The following LUC7L2 variants were observed in gnomAD, a reference collection of about 807,000 sequenced individuals.
LUC7L2 encodes the protein putative RNA-binding protein Luc7-like 2.
A neutral mutation model predicts 52.8 loss-of-function variants in LUC7L2; 25 were observed. The observed-to-expected ratio is 0.47, with a 90% CI of 0.34 to 0.66. The LOEUF is 0.66. Among genes scored for constraint, LUC7L2 ranks in the 30% least tolerant of loss-of-function variants. The pLI, the probability that LUC7L2 is intolerant of heterozygous loss-of-function variation, is 0.01. For synonymous variants in LUC7L2, 144 were observed against 160.9 expected (o/e 0.89, Z 0.80); for missense variants, 328 against 497.8 (o/e 0.66, Z 3.25).
chr7:139,419,645 A>G (rs1326306486), intron 9 of LUC7L2, among the ~76,000 whole-genome samples: 1 of 152,298 alleles, frequency 6.6e-6, no homozygotes, highest in South Asian at 2.1e-4. Flanking sequence ...GGTGATGGGT[A>G]TGGGAAGGAT....
At chr7:139,421,375 T>C (rs1204024145) in intron 9 of LUC7L2, among the ~76,000 whole-genome samples, 1 of 152,250 alleles carries the variant, frequency 6.6e-6, no homozygotes, top group Non-Finnish European at 1.5e-5. Flanking sequence ...ATGTTGGAAG[T>C]ATGGAAGATT....
At position 139,423,333 on chromosome 7, in the gene LUC7L2, A is replaced by T. The variant is rs531715317; in HGVS notation, c.*993A>T. ...TTCATGTGGGCCCCTTGCTGACTAT[A>T]TTCCAGCCACTTCAGGGTTGTTTGT... On this transcript the variant is annotated 3_prime_UTR_variant, in exon 10 of 10. Transcript: ENST00000354926. 3 of 399,014 alleles carry T rather than the reference A, an allele frequency of 7.5e-6. No homozygotes were observed. In the South Asian group the frequency reaches 3.8e-4, roughly 51 times the overall value. The allele number at this position is 399,014 out of a possible 1,614,324, so 24.7% of individuals were successfully genotyped here. A position where few individuals can be genotyped will look rare whatever the true frequency, so the allele number is the denominator to read the frequency against.
At chr7:139,384,743 G>A (rs892857413) in intron 2 of LUC7L2, among the ~76,000 whole-genome samples, 1 of 151,782 alleles carries the variant, frequency 6.6e-6, no homozygotes, top group African/African-American at 2.4e-5. Context: ...CTGTCATTCT[G>A]AATAATAATT....
intron 5 of LUC7L2, among the ~76,000 whole-genome samples, chr7:139,406,627 T>G (rs554785479): frequency 6.6e-6 from 1 of 152,328 alleles, no homozygotes; most frequent in Admixed American, 6.5e-5. Flanking sequence ...GTGCTGGGAT[T>G]ACAGGCGTGA....
chr7:139,374,365 A>T (rs929995931), intron 1 of LUC7L2: 2 of 1,493,062 alleles, frequency 1.3e-6, no homozygotes, highest in Non-Finnish European at 1.8e-6. Flanking sequence ...ATTCTATACA[A>T]AATGAACAAT....
chr7:139,394,614 C>G (rs1057194744), intron 2 of LUC7L2, among the ~76,000 whole-genome samples: 1 of 151,756 alleles, frequency 6.6e-6, no homozygotes, highest in Non-Finnish European at 1.5e-5. Flanking sequence ...TTGTTGAATA[C>G]GGATTGGAAA....
At position 139,398,824 on chromosome 7, in the gene LUC7L2, CAAGT is replaced by C. The variant is rs530374690; in HGVS notation, c.255+131_255+134del. 3.9e-4 allele frequency: 280 copies of C among 714,126 alleles called. 2 individuals are homozygous for C. Among genetic ancestry groups the C allele is most frequent in the Middle Eastern group, 1.3e-3 (3 of 2,360 alleles). The allele number at this position is 714,126 out of a possible 1,614,324, so 44.2% of individuals were successfully genotyped here. A position where few individuals can be genotyped will look rare whatever the true frequency, so the allele number is the denominator to read the frequency against. On this transcript the variant is annotated intron_variant, in intron 3 of 9. Coordinates refer to ENST00000354926, the MANE Select transcript of LUC7L2 (RefSeq NM_016019.5). ...CTCTGGTTATATGAAGGGTAAGACTCAAGTAAGATCATGTACTTTCTTGACAACT... is the reference window on the plus strand; with the variant it reads ...CTCTGGTTATATGAAGGGTAAGACTCAAGATCATGTACTTTCTTGACAACT...
chr7:139,363,324 A>T, intron 1 of LUC7L2: 1 of 799,120 alleles, frequency 1.3e-6, no homozygotes, highest in Non-Finnish European at 1.5e-6. Context: ...ACTCATACCC[A>T]TATAACTGGG....
At chr7:139,396,133 G>A (rs1794655199) in intron 2 of LUC7L2, among the ~76,000 whole-genome samples, 1 of 152,164 alleles carries the variant, frequency 6.6e-6, no homozygotes, top group Non-Finnish European at 1.5e-5. Context: ...CCTTCAGAAA[G>A]CTTTGATTAT....
chr7:139,348,640 A>G (rs765281950), intron 1 of LUC7L2, among the ~76,000 whole-genome samples: 11 of 151,488 alleles, frequency 7.3e-5, no homozygotes, highest in Non-Finnish European at 1.6e-4. Context: ...AATCGCTTGA[A>G]CCCGGGAGGT....
upstream of LUC7L2, among the ~76,000 whole-genome samples, chr7:139,357,695 A>ATTT (rs11383117): frequency 2.1e-5 from 3 of 143,972 alleles, no homozygotes; most frequent in Non-Finnish European, 3.0e-5. Flanking sequence ...ATTCAAAATA[A>ATTT]TTTTTTTTTT....
At position 139,398,589 on chromosome 7, in the gene LUC7L2, T is replaced by C. The variant is rs1166574321; in HGVS notation, c.157-10T>C. 6.3e-7 allele frequency: 1 copy of C among 1,587,874 alleles called. No individual in the cohort carries two copies. The highest frequency in any genetic ancestry group is 2.2e-5 in the East Asian group (1 of 44,518). Reference sequence around the variant, plus strand: ...TTTTGTTTTAATATTATGTCTTTTTTCCCTTCCAGAGAATGGATCTTGGAG... The same window carrying C: ...TTTTGTTTTAATATTATGTCTTTTTCCCCTTCCAGAGAATGGATCTTGGAG... On this transcript the variant is annotated splice_polypyrimidine_tract_variant and intron_variant, in intron 2 of 9. Coordinates refer to ENST00000354926, the MANE Select transcript of LUC7L2 (RefSeq NM_016019.5).
Position 139,390,730 on chromosome 7 carries a change from G to T in LUC7L2, c.157-7869G>T, listed in dbSNP as rs540639149. Among the ~76,000 whole-genome samples the T allele has an allele frequency of 5.3e-5, 8 of 151,812 alleles. No individual in the cohort carries two copies. The South Asian group carries it at 8.3e-4, about 16-fold the overall frequency. On this transcript the variant is annotated intron_variant, in intron 2 of 9. Coordinates refer to ENST00000354926, the MANE Select transcript of LUC7L2 (RefSeq NM_016019.5). ...ACCACCATGCCCGGCTAATTTTTCT[G>T]TATTTTTAGTAGAGACGGGATTTCA...
chr7:139,345,154 C>T (rs183648379), intron 1 of LUC7L2, among the ~76,000 whole-genome samples: 1 of 152,072 alleles, frequency 6.6e-6, no homozygotes, highest in Admixed American at 6.5e-5. Context: ...GATGAGTGAC[C>T]TAATTATAAT....
chr7:139,365,239 A>G (rs1800096206), intron 1 of LUC7L2, among the ~76,000 whole-genome samples: 1 of 152,268 alleles, frequency 6.6e-6, no homozygotes, highest in Admixed American at 6.5e-5. Context: ...GTATCACTTC[A>G]TATAACATTG....
In LUC7L2 at chr7:139,359,944, G is replaced by T. The variant is rs924507019; in HGVS notation, c.-318G>T. 11 of 422,898 alleles carry T rather than the reference G, an allele frequency of 2.6e-5. No individual in the cohort carries two copies. The highest frequency in any genetic ancestry group is 4.4e-5 in the Admixed American group (1 of 22,822). 26.2% of individuals were successfully genotyped at this position (422,898 alleles called of 1,614,324 possible). The stretch of plus-strand genomic sequence containing the variant: ...CGAGCGGCGTCAGAGCTTGAGGGGG[G>T]GTTGACGGCTTCTGGCGGGTGGCGG... On this transcript the variant is annotated 5_prime_UTR_variant, in exon 1 of 10. Transcript: ENST00000354926.
Position 139,398,659 on chromosome 7 carries a change from A to G in LUC7L2, c.217A>G (p.Ile73Val), listed in dbSNP as rs757535398. The G allele has an allele frequency of 6.2e-7, 1 of 1,612,576 alleles. No individual in the cohort carries two copies. The highest frequency in any genetic ancestry group is 1.7e-5 in the Admixed American group (1 of 59,600). Residue 73 changes from isoleucine to valine, a missense_variant, in exon 3 of 10, where the codon ATT (isoleucine) becomes GTT (valine). This residue lies in a region of LUC7L2 where 133 missense variants were observed against 274.4 expected (regional missense o/e 0.48). Transcript: ENST00000354926. ...HDLALRADYE[I>V]ASKEQDFFFE... ...CCTGGCTTTAAGAGCGGATTATGAA[A>G]TTGCATCCAAAGAACAAGATTTTTT...
intron 3 of LUC7L2, among the ~76,000 whole-genome samples, chr7:139,400,697 A>G (rs1794873057): frequency 6.6e-6 from 1 of 151,838 alleles, no homozygotes; most frequent in Non-Finnish European, 1.5e-5. Context: ...TCTCCCCCCA[A>G]CCCCACATAG....
At chr7:139,394,255 A>T (rs1466992667) in intron 2 of LUC7L2, among the ~76,000 whole-genome samples, 1 of 152,120 alleles carries the variant, frequency 6.6e-6, no homozygotes, top group East Asian at 1.9e-4. Context: ...CCTCTTTCCT[A>T]GTTTGATTTA....
Sources: allele counts gnomAD v4.1 joint callset (sites outside exome capture counted in the v4.1 genomes callset), GRCh38; gene constraint gnomAD v4.1.1; regional missense constraint gnomAD v4.1.1; transcripts MANE v1.5; gene names NCBI Gene and HGNC (gene_info 2026-07-23, HGNC 2026-07-21).